Variants in PIEZO2 observed in about 807,000 individuals in gnomAD.
The protein encoded by PIEZO2 is piezo type mechanosensitive ion channel component 2, also known as piezo-type mechanosensitive ion channel component 2.
Under a neutral mutation model 337.3 loss-of-function variants are expected in PIEZO2, and 172 were observed. That is an observed-to-expected ratio of 0.51 (90% CI 0.45 to 0.58). PIEZO2 has a LOEUF of 0.58. Among genes scored for constraint, PIEZO2 ranks in the 20% least tolerant of loss-of-function variants. The pLI is 0.00. For missense variants in PIEZO2, 3,028 were observed against 3,391.3 expected (o/e 0.89, Z 2.66); for synonymous variants, 1,251 against 1,228.5 (o/e 1.02, Z -0.38).
In PIEZO2 at chr18:10,855,716, T is replaced by C; in HGVS notation, c.704-150A>G. On this transcript the variant is annotated intron_variant, in intron 6 of 55. Coordinates refer to ENST00000674853, the MANE Select transcript of PIEZO2 (RefSeq NM_001378183.1). The surrounding 1 kb of genome is among the most constrained non-coding windows in gnomAD (Gnocchi z 4.9). ...ATTTTTAAAAATCATGTTTGATTTA[T>C]ATAATAAAAATTAATGCTAGATTTA... The C allele has an allele frequency of 1.5e-6, 1 of 661,644 alleles. No individual in the cohort carries two copies. The highest frequency in any genetic ancestry group is 2.1e-5 in the South Asian group (1 of 46,616). 41.0% of individuals were successfully genotyped at this position (661,644 alleles called of 1,614,324 possible). A position where few individuals can be genotyped will look rare whatever the true frequency, so the allele number is the denominator to read the frequency against.
intron 2 of PIEZO2, among the ~76,000 whole-genome samples, chr18:11,039,559 T>C (rs920533410): frequency 6.6e-6 from 1 of 152,148 alleles, no homozygotes; most frequent in Non-Finnish European, 1.5e-5. Flanking sequence ...TATATATAAC[T>C]ATATGTGTCA....
rs533803746 is a variant in PIEZO2, at chr18:10,943,191, G to A, written c.287-31963C>T. Among the ~76,000 whole-genome samples, 13 of 152,318 alleles carry A rather than the reference G, an allele frequency of 8.5e-5. No homozygotes were observed. Among genetic ancestry groups the A allele is most frequent in the Admixed American group, 4.6e-4 (7 of 15,308 alleles). On this transcript the variant is annotated intron_variant, in intron 3 of 55. Transcript: ENST00000674853. The surrounding 1 kb of genome is among the most constrained non-coding windows in gnomAD (Gnocchi z 4.5). ...GCCATGACGCACAGTCCCTACTGGG[G>A]CACCACCTAGTGGAGCTGTGAGAAG...
At chr18:10,823,237 A>T (rs1373861487) in intron 7 of PIEZO2, among the ~76,000 whole-genome samples, 1 of 152,164 alleles carries the variant, frequency 6.6e-6, no homozygotes, top group Non-Finnish European at 1.5e-5. Context: ...GTTTTTTATT[A>T]AGAATAATTA....
chr18:10,892,877 A>C (rs2144945862), intron 4 of PIEZO2, among the ~76,000 whole-genome samples: 1 of 152,396 alleles, frequency 6.6e-6, no homozygotes, highest in South Asian at 2.1e-4. Flanking sequence ...GTAGCTGTTG[A>C]AAATAACAGA....
rs536490046 is a variant in PIEZO2, at chr18:11,022,259, C to T, written c.161-42599G>A. Among the ~76,000 whole-genome samples the T allele has an allele frequency of 1.8e-4, 27 of 152,184 alleles. No individual in the cohort carries two copies. The East Asian group carries it at 5.2e-3, about 29-fold the overall frequency. On this transcript the variant is annotated intron_variant, in intron 2 of 55. Coordinates refer to ENST00000674853, the MANE Select transcript of PIEZO2 (RefSeq NM_001378183.1). ...ACCTTTGGAGTGGGTATGACAGTAG[C>T]AGAGCCTGTAAGGAAATTGCTTAGT...
At chr18:10,840,079 T>C (rs1258715774) in intron 7 of PIEZO2, among the ~76,000 whole-genome samples, 1 of 152,182 alleles carries the variant, frequency 6.6e-6, no homozygotes, top group African/African-American at 2.4e-5. Flanking sequence ...TAGCATGACC[T>C]GACAAAAAGT....
In PIEZO2 at chr18:10,714,648, G is replaced by A. The variant is rs576202955; in HGVS notation, c.5423+116C>T. Reference sequence around the variant, plus strand: ...AGATGGCGACAGCTGGAAGAGGGTGGGGGTCCATGCATGGTTTTGATGAAC... The same window carrying A: ...AGATGGCGACAGCTGGAAGAGGGTGAGGGTCCATGCATGGTTTTGATGAAC... On this transcript the variant is annotated intron_variant, in intron 39 of 55. Coordinates refer to ENST00000674853, the MANE Select transcript of PIEZO2 (RefSeq NM_001378183.1). 14 of 1,154,826 alleles carry A rather than the reference G, an allele frequency of 1.2e-5. No individual in the cohort carries two copies. In the East Asian group the frequency reaches 3.1e-4, roughly 26 times the overall value. The allele number at this position is 1,154,826 out of a possible 1,614,324, so 71.5% of individuals were successfully genotyped here.
intron 49 of PIEZO2, 41 bp downstream of exon 49, chr18:10,689,612 AAG>A (rs2034709383): frequency 6.2e-7 from 1 of 1,613,178 alleles, no homozygotes; most frequent in Non-Finnish European, 8.5e-7. Flanking sequence ...GCCTGTATCT[AAG>A]AGAAGCAGAC....
chr18:10,720,419 GTATATATATATATATATATA>G lies in PIEZO2; in HGVS notation c.5030-2180_5030-2161del, dbSNP rs74177567. Among the ~76,000 whole-genome samples, 25 of 9,258 alleles carry G rather than the reference GTATATATATATATATATATA, an allele frequency of 2.7e-3. 2 individuals carry two copies. The highest frequency in any genetic ancestry group is 5.5e-3 in the African/African-American group (15 of 2,710). The allele number at this position is 9,258 out of a possible 152,430, so 6.1% of individuals were successfully genotyped here. A position where few individuals can be genotyped will look rare whatever the true frequency, so the allele number is the denominator to read the frequency against. ...TGTGTGTGTGTATGTGTATGTGTAT[GTATATATATATATATATATA>G]TATATATATATATATATATATATAT... On this transcript the variant is annotated intron_variant, in intron 36 of 55. Transcript: ENST00000674853.
intron 3 of PIEZO2, among the ~76,000 whole-genome samples, chr18:10,972,116 A>AG (rs1425861186): frequency 6.6e-6 from 1 of 151,286 alleles, no homozygotes; most frequent in African/African-American, 2.4e-5. Context: ...AACATGGTGA[A>AG]ACCCTATCTC....
intron 2 of PIEZO2, among the ~76,000 whole-genome samples, chr18:11,036,335 C>G (rs1467505622): frequency 6.6e-6 from 1 of 152,100 alleles, no homozygotes; most frequent in Non-Finnish European, 1.5e-5. Context: ...GCTGAAAAAC[C>G]TAATGTTTTT....
At chr18:10,887,084 T>TG (rs1334115917) in intron 4 of PIEZO2, among the ~76,000 whole-genome samples, 10 of 145,690 alleles carry the variant, frequency 6.9e-5, no homozygotes, top group African/African-American at 2.6e-4. Context: ...TTTTTTTTTT[T>TG]TTTGAGACAG....
At chr18:10,702,747 C>T (rs75000920) in intron 42 of PIEZO2, among the ~76,000 whole-genome samples, 2,313 of 152,280 alleles carry the variant, frequency 0.015, 57 homozygotes, top group African/African-American at 0.053. Context: ...GTTTCTGACA[C>T]GGGGTTTGTA....
At chr18:10,995,451 G>C (rs1241877857) in intron 2 of PIEZO2, among the ~76,000 whole-genome samples, 4 of 151,968 alleles carry the variant, frequency 2.6e-5, no homozygotes, top group Non-Finnish European at 5.9e-5. Context: ...TGTTGCTTTT[G>C]GTGTACAAAA....
In PIEZO2 at chr18:11,111,364, A is replaced by T. The variant is rs548234314; in HGVS notation, c.64+37161T>A. 3.9e-5 allele frequency among the ~76,000 whole-genome samples: 6 copies of T among 152,192 alleles called. No homozygotes were observed. The highest frequency in any genetic ancestry group is 3.9e-4 in the Admixed American group (6 of 15,288). Reference sequence around the variant, plus strand: ...ATCTACAGTGGCTTCTGTTTTCCTAACCAAGTCCTGAACCAATGTAAGACT... The same window carrying T: ...ATCTACAGTGGCTTCTGTTTTCCTATCCAAGTCCTGAACCAATGTAAGACT... On this transcript the variant is annotated intron_variant, in intron 1 of 55. Coordinates refer to ENST00000674853, the MANE Select transcript of PIEZO2 (RefSeq NM_001378183.1). The surrounding 1 kb of genome is among the most constrained non-coding windows in gnomAD (Gnocchi z 6.2).
At chr18:10,991,451 A>G (rs1157570791) in intron 2 of PIEZO2, among the ~76,000 whole-genome samples, 1 of 141,574 alleles carries the variant, frequency 7.1e-6, no homozygotes, top group Non-Finnish European at 1.5e-5. Flanking sequence ...TCATTGTTCA[A>G]CTCCTACTTA....
chr18:10,726,607 CGGG>C lies in PIEZO2; in HGVS notation c.5029+4797_5029+4799del. ...CTTCCAGGACCTGGCGCGCTACGTG[CGGG>C]ACGCCGACGTGCGCTGGGAGTACTG... On this transcript the variant is annotated intron_variant, in intron 36 of 55. Coordinates refer to ENST00000674853, the MANE Select transcript of PIEZO2 (RefSeq NM_001378183.1). The surrounding 1 kb of genome is among the most constrained non-coding windows in gnomAD (Gnocchi z 5.9). 1.5e-6 allele frequency: 2 copies of C among 1,337,596 alleles called. No individual in the cohort carries two copies. The highest frequency in any genetic ancestry group is 2.9e-5 in the South Asian group (2 of 68,620). The allele number at this position is 1,337,596 out of a possible 1,614,324, so 82.9% of individuals were successfully genotyped here.
At chr18:10,735,207 T>G (rs1288848346) in intron 35 of PIEZO2, among the ~76,000 whole-genome samples, 25 bp downstream of exon 35, 3 of 152,200 alleles carry the variant, frequency 2.0e-5, no homozygotes, top group African/African-American at 7.2e-5. Flanking sequence ...AGTCACACAC[T>G]ACACATCAGT....
chr18:10,835,021 C>T (rs1324651117), intron 7 of PIEZO2, among the ~76,000 whole-genome samples: 1 of 152,160 alleles, frequency 6.6e-6, no homozygotes, highest in Non-Finnish European at 1.5e-5. Flanking sequence ...GATCTGTGCC[C>T]TTATGAAAGG....
Sources: gnomAD v4.1 joint callset for allele counts (sites outside exome capture counted in the v4.1 genomes callset) on GRCh38, gnomAD v4.1.1 for gene constraint, Gnocchi (gnomAD v3.1) non-coding constraint, MANE v1.5 for transcripts, NCBI Gene and HGNC (gene_info 2026-07-23, HGNC 2026-07-21) for gene names.